TMBIM6: variants seen among roughly 807,000 people sequenced by gnomAD.
TMBIM6 encodes transmembrane BAX inhibitor motif containing 6.
Under a neutral mutation model 31.4 loss-of-function variants are expected in TMBIM6, and 13 were observed. That is an observed-to-expected ratio of 0.41 (90% CI 0.27 to 0.66). The LOEUF is 0.66. Among genes scored for constraint, TMBIM6 ranks in the 30% least tolerant of loss-of-function variants. The pLI, the probability that TMBIM6 is intolerant of heterozygous loss-of-function variation, is 0.28. For synonymous variants in TMBIM6, 85 were observed against 101.7 expected, an observed-to-expected ratio of 0.84 and a Z score of 0.99; for missense variants, 275 against 289.5, an observed-to-expected ratio of 0.95 and a Z score of 0.36.
chr12:49,742,348 G>A, intron 1 of TMBIM6: 1 of 1,502,652 alleles, frequency 6.7e-7, no homozygotes. Context: ...CTCAGCAAGG[G>A]CGTCGTTGGG....
chr12:49,752,963 C>A lies in TMBIM6; in HGVS notation c.57-10C>A, dbSNP rs773790537. Reference sequence around the variant, plus strand: ...GGGACTGATTGCTCTTATTCACATTCTTTTCTTAGAACCCCGTCAACGCAG... The same window carrying A: ...GGGACTGATTGCTCTTATTCACATTATTTTCTTAGAACCCCGTCAACGCAG... On this transcript the variant is annotated splice_polypyrimidine_tract_variant and intron_variant, in intron 2 of 9. Transcript: ENST00000267115. 5 of 1,612,290 alleles carry A rather than the reference C, an allele frequency of 3.1e-6. No individual in the cohort carries two copies. In the East Asian group the frequency reaches 1.1e-4, roughly 36 times the overall value.
At chr12:49,756,142 C>CTT (rs1202617534) in intron 4 of TMBIM6, among the ~76,000 whole-genome samples, 1 of 146,672 alleles carries the variant, frequency 6.8e-6, no homozygotes, top group Non-Finnish European at 1.5e-5. Context: ...CCTTTTTTTC[C>CTT]TTTTTTTTTG....
At chr12:49,752,586 T>G (rs1565919618) in intron 2 of TMBIM6, 37 bp downstream of exon 2, 2 of 1,485,138 alleles carry the variant, frequency 1.3e-6, no homozygotes, top group African/African-American at 2.8e-5. Context: ...TGTACTGCAT[T>G]TCTTTTCATA....
At chr12:49,752,320 A>G in intron 1 of TMBIM6, 144 bp from the exon 2 acceptor site, 1 of 519,414 alleles carries the variant, frequency 1.9e-6, no homozygotes, top group Non-Finnish European at 3.3e-6. Context: ...AGGACACATA[A>G]AAATAAAAAT....
intron 8 of TMBIM6, among the ~76,000 whole-genome samples, chr12:49,760,850 T>TA (rs1945705159): frequency 6.6e-6 from 1 of 151,932 alleles, no homozygotes; most frequent in African/African-American, 2.4e-5. Flanking sequence ...CTCACTTTTT[T>TA]TTTTTTGAGA....
chr12:49,753,647 G>A (rs1945536734), intron 3 of TMBIM6, among the ~76,000 whole-genome samples: 1 of 152,170 alleles, frequency 6.6e-6, no homozygotes. Flanking sequence ...TTGTGCCTTT[G>A]TAGAGTATTC....
chr12:49,751,545 A>C (rs1191892518), intron 1 of TMBIM6, among the ~76,000 whole-genome samples: 1 of 152,116 alleles, frequency 6.6e-6, no homozygotes, highest in East Asian at 1.9e-4. Context: ...CTTTCTGCAT[A>C]AATTCCTTTT....
At chr12:49,742,100 G>T in intron 1 of TMBIM6, 1 of 1,598,930 alleles carries the variant, frequency 6.3e-7, no homozygotes, top group East Asian at 2.3e-5. Flanking sequence ...TGAGCGGCCC[G>T]GAGCCAAGAC....
chr12:49,746,993 AT>A (rs1042031629), intron 1 of TMBIM6, among the ~76,000 whole-genome samples: 14 of 151,696 alleles, frequency 9.2e-5, no homozygotes, highest in African/African-American at 3.4e-4. Context: ...CCACCACCAC[AT>A]CTGGCTGATT....
chr12:49,752,356 A>G (rs1028202641), intron 1 of TMBIM6, 108 bp from the exon 2 acceptor site: 4 of 726,336 alleles, frequency 5.5e-6, no homozygotes, highest in African/African-American at 3.7e-5. Context: ...GTAGAATTTT[A>G]GGCAAGTTTT....
chr12:49,755,483 A>G lies in TMBIM6; in HGVS notation c.166-152A>G, dbSNP rs574127172. 363 of 910,750 alleles carry G rather than the reference A, an allele frequency of 4.0e-4. 3 individuals are homozygous for G. Among genetic ancestry groups the G allele is most frequent in the Non-Finnish European group, 7.0e-5 (43 of 612,740 alleles). 56.4% of individuals were successfully genotyped at this position (910,750 alleles called of 1,614,324 possible). ...GCTTCTGGGTTATCTCCTCAGCCCC[A>G]TCCCTGAGAAAACACTACTTTTTCT... is the stretch of plus-strand genomic sequence containing the variant. On this transcript the variant is annotated intron_variant, in intron 3 of 9. Coordinates refer to ENST00000267115, the MANE Select transcript of TMBIM6 (RefSeq NM_003217.3).
intron 8 of TMBIM6, among the ~76,000 whole-genome samples, chr12:49,759,612 C>T (rs1277475264): frequency 6.6e-6 from 1 of 151,996 alleles, no homozygotes; most frequent in African/African-American, 2.4e-5. Flanking sequence ...TGAGACCAGC[C>T]TGGGCAACAT....
chr12:49,759,381 G>A (rs768456825), intron 8 of TMBIM6, 60 bp downstream of exon 8: 107 of 1,464,502 alleles, frequency 7.3e-5, no homozygotes, highest in Non-Finnish European at 1.0e-4. Flanking sequence ...TTCAGCAGCT[G>A]AACTTAGGTT....
chr12:49,751,523 C>A (rs181032301), intron 1 of TMBIM6, among the ~76,000 whole-genome samples: 115 of 152,112 alleles, frequency 7.6e-4, no homozygotes, highest in African/African-American at 2.7e-3. Flanking sequence ...AAATACCCCC[C>A]AAAAAATCCT....
At chr12:49,750,200 G>T (rs1452674762) in intron 1 of TMBIM6, among the ~76,000 whole-genome samples, 1 of 152,164 alleles carries the variant, frequency 6.6e-6, no homozygotes, top group African/African-American at 2.4e-5. Context: ...TGAGAAAGGG[G>T]AGTTTCTGCC....
intron 1 of TMBIM6, among the ~76,000 whole-genome samples, chr12:49,746,816 A>G (rs1475864028): frequency 6.6e-6 from 1 of 152,098 alleles, no homozygotes; most frequent in Non-Finnish European, 1.5e-5. Context: ...CAAATTACTA[A>G]CAGTTCTTCC....
At chr12:49,761,543 T>C (rs1945718959) in intron 8 of TMBIM6, among the ~76,000 whole-genome samples, 161 bp from the exon 9 acceptor site, 1 of 150,298 alleles carries the variant, frequency 6.7e-6, no homozygotes, top group South Asian at 2.1e-4. Flanking sequence ...TCGATGAGTC[T>C]AAAGGATCTC....
At chr12:49,760,060 G>A (rs1466023455) in intron 8 of TMBIM6, among the ~76,000 whole-genome samples, 3 of 145,700 alleles carry the variant, frequency 2.1e-5, no homozygotes, top group Non-Finnish European at 4.5e-5. Flanking sequence ...TGCAGTGAGC[G>A]GAGATTGCAC....
intron 9 of TMBIM6, among the ~76,000 whole-genome samples, chr12:49,762,319 T>C (rs141070196): frequency 7.4e-4 from 113 of 152,300 alleles, no homozygotes; most frequent in African/African-American, 2.6e-3. Context: ...GGCTATGCCA[T>C]GGTTGGACTG....
Sources: gnomAD v4.1 joint callset for allele counts (sites outside exome capture counted in the v4.1 genomes callset) on GRCh38, gnomAD v4.1.1 for gene constraint, MANE v1.5 for transcripts, NCBI Gene and HGNC (gene_info 2026-07-23, HGNC 2026-07-21) for gene names.